AP2B1: variants seen among roughly 807,000 people sequenced by gnomAD.
The protein encoded by AP2B1 is AP-2 complex subunit beta.
A neutral mutation model predicts 102.0 loss-of-function variants in AP2B1; 23 were observed. The ratio of observed to expected loss-of-function variants is 0.23; its 90% confidence interval spans 0.16 to 0.32. AP2B1 has a LOEUF of 0.32. Among genes scored for constraint, AP2B1 ranks in the 10% least tolerant of loss-of-function variants. AP2B1 has a pLI of 1.00. For missense variants in AP2B1, 541 were observed against 1,157.4 expected (o/e 0.47, Z 7.73); for synonymous variants, 381 against 421.2 (o/e 0.90, Z 1.17).
intron 18 of AP2B1, among the ~76,000 whole-genome samples, chr17:35,698,309 G>A (rs1005715837): frequency 6.6e-6 from 1 of 150,784 alleles, no homozygotes; most frequent in Non-Finnish European, 1.5e-5. Flanking sequence ...GTTTTTTTTT[G>A]TTTTGTTTTG....
chr17:35,666,030 C>G (rs1349747228), intron 14 of AP2B1, among the ~76,000 whole-genome samples: 1 of 152,132 alleles, frequency 6.6e-6, no homozygotes, highest in Non-Finnish European at 1.5e-5. Flanking sequence ...CCCTATATAA[C>G]TTCAATCTTG....
At chr17:35,638,814 T>C (rs1261528862) in intron 10 of AP2B1, among the ~76,000 whole-genome samples, 3 of 147,632 alleles carry the variant, frequency 2.0e-5, no homozygotes, top group East Asian at 2.0e-4. Context: ...AAAAGAAAGC[T>C]CTCTTTTATA....
chr17:35,650,882 C>T, intron 13 of AP2B1, 93 bp downstream of exon 13: 2 of 1,438,658 alleles, frequency 1.4e-6, no homozygotes, highest in Non-Finnish European at 9.5e-7. Context: ...AAAAGAACTG[C>T]TGTACATTTT....
At chr17:35,643,352 T>A (rs1179089101) in intron 12 of AP2B1, among the ~76,000 whole-genome samples, 1 of 152,206 alleles carries the variant, frequency 6.6e-6, no homozygotes, top group Admixed American at 6.5e-5. Flanking sequence ...ATTTTGGCCT[T>A]TCTTCCTCTC....
At chr17:35,695,889 G>T (rs2076132547) in intron 18 of AP2B1, among the ~76,000 whole-genome samples, 1 of 152,140 alleles carries the variant, frequency 6.6e-6, no homozygotes, top group Admixed American at 6.6e-5. Flanking sequence ...AATAGTGGGG[G>T]TGGGGTGGGG....
chr17:35,648,143 A>C (rs1025934329), intron 12 of AP2B1, among the ~76,000 whole-genome samples: 1 of 152,192 alleles, frequency 6.6e-6, no homozygotes, highest in African/African-American at 2.4e-5. Context: ...GTGCATAAAT[A>C]AATGCCATCA....
chr17:35,673,875 A>C (rs1270004222), intron 16 of AP2B1, among the ~76,000 whole-genome samples: 1 of 152,184 alleles, frequency 6.6e-6, no homozygotes, highest in Non-Finnish European at 1.5e-5. Context: ...AAAAGTAGTA[A>C]AATAACCAAG....
intron 9 of AP2B1, among the ~76,000 whole-genome samples, chr17:35,635,997 A>AG (rs1555565269): frequency 1.4e-5 from 2 of 148,104 alleles, no homozygotes; most frequent in African/African-American, 5.0e-5. Flanking sequence ...CCTTGGTAGT[A>AG]TTTTTTTTTT....
intron 13 of AP2B1, among the ~76,000 whole-genome samples, chr17:35,655,494 T>C (rs140440841): frequency 6.6e-6 from 1 of 152,380 alleles, no homozygotes; most frequent in East Asian, 1.9e-4. Flanking sequence ...TCTGTGTTTT[T>C]AGTAGTTTGC....
intron 3 of AP2B1, among the ~76,000 whole-genome samples, chr17:35,603,256 A>C (rs1010175594): frequency 2.6e-5 from 4 of 151,874 alleles, no homozygotes; most frequent in African/African-American, 9.7e-5. Context: ...TCTTTCTTCT[A>C]TGCTAGTAGC....
intron 5 of AP2B1, among the ~76,000 whole-genome samples, chr17:35,620,944 A>G (rs2074158824): frequency 1.3e-5 from 2 of 152,222 alleles, no homozygotes; most frequent in South Asian, 2.1e-4. Flanking sequence ...GAAGTGTTAC[A>G]CATAGTTGTG....
chr17:35,668,914 A>AAGCTTCAT (rs1260448740), intron 14 of AP2B1, among the ~76,000 whole-genome samples: 1 of 152,124 alleles, frequency 6.6e-6, no homozygotes, highest in Non-Finnish European at 1.5e-5. Flanking sequence ...CTAGTTTGCA[A>AAGCTTCAT]AGCTTCATTC....
intron 5 of AP2B1, among the ~76,000 whole-genome samples, chr17:35,618,674 A>G (rs921295053): frequency 3.3e-5 from 5 of 152,170 alleles, no homozygotes; most frequent in African/African-American, 1.2e-4. Flanking sequence ...TATGTGTGTG[A>G]TATTCCACTC....
intron 14 of AP2B1, among the ~76,000 whole-genome samples, chr17:35,670,496 C>A (rs754679281): frequency 6.6e-6 from 1 of 152,116 alleles, no homozygotes; most frequent in Non-Finnish European, 1.5e-5. Flanking sequence ...AAAAATAAAG[C>A]ATATTCGAAA....
chr17:35,725,330 T>G lies in AP2B1; in HGVS notation c.*1631T>G, dbSNP rs184272622. On this transcript the variant is annotated 3_prime_UTR_variant, in exon 22 of 22. Coordinates refer to ENST00000610402, the MANE Select transcript of AP2B1 (RefSeq NM_001030006.2). ...GGTCTTCTCAGATGCCCTGCTTAAA[T>G]CAGGGGCACTTCAGGCTCCACAGGC... 6.6e-6 allele frequency: 1 copy of G among 152,272 alleles called. No individual in the cohort carries two copies. The highest frequency in any genetic ancestry group is 1.9e-4 in the East Asian group (1 of 5,176). 9.4% of individuals were successfully genotyped at this position (152,272 alleles called of 1,614,324 possible).
chr17:35,605,042 C>T (rs1441562309), intron 3 of AP2B1, among the ~76,000 whole-genome samples: 1 of 151,930 alleles, frequency 6.6e-6, no homozygotes, highest in African/African-American at 2.4e-5. Flanking sequence ...GTAGCTAAGA[C>T]TACAGGTGTG....
intron 1 of AP2B1, among the ~76,000 whole-genome samples, chr17:35,590,303 A>C (rs7219771): frequency 0.013 from 1,962 of 152,268 alleles, 49 homozygotes; most frequent in African/African-American, 0.046. Flanking sequence ...GATTAAGTGT[A>C]TCTCTCATTA....
chr17:35,611,717 CAAAT>C lies in AP2B1; in HGVS notation c.525+3335_525+3338del, dbSNP rs142100174. Among the ~76,000 whole-genome samples the C allele has an allele frequency of 5.6e-3, 859 of 152,124 alleles. 4 individuals carry two copies. The highest frequency in any genetic ancestry group is 0.02 in the African/African-American group (822 of 41,494). On this transcript the variant is annotated intron_variant, in intron 5 of 21. Transcript: ENST00000610402. ...AATCTTCAAACATTCAAAATTAGGA[CAAAT>C]AAATGAATACAATAAATAAAATGAA... is the stretch of plus-strand genomic sequence containing the variant.
chr17:35,608,699 A>G (rs2073767815), intron 5 of AP2B1, among the ~76,000 whole-genome samples: 1 of 152,132 alleles, frequency 6.6e-6, no homozygotes, highest in Non-Finnish European at 1.5e-5. Flanking sequence ...TATATTTAAG[A>G]TTATTTTCTT....
Sources: allele counts gnomAD v4.1 joint callset (sites outside exome capture counted in the v4.1 genomes callset), GRCh38; gene constraint gnomAD v4.1.1; transcripts MANE v1.5; gene names NCBI Gene and HGNC (gene_info 2026-07-23, HGNC 2026-07-21).